The following LRIG2 variants were observed in gnomAD, a reference collection of about 807,000 sequenced individuals.
LRIG2 encodes the protein leucine rich repeats and immunoglobulin like domains 2, also known as leucine-rich repeats and immunoglobulin-like domains protein 2.
A neutral mutation model predicts 107.8 loss-of-function variants in LRIG2; 93 were observed. The observed-to-expected ratio is 0.86, with a 90% CI of 0.73 to 1.03. The LOEUF (loss-of-function observed/expected upper bound fraction) is 1.03, where lower values mean the gene tolerates loss of function less well. Among genes scored for constraint, LRIG2 ranks in the 50% least tolerant of loss-of-function variants. LRIG2 has a pLI of 0.00. For synonymous variants in LRIG2, 471 were observed against 470.6 expected (o/e 1.00, Z -0.01); for missense variants, 1,226 against 1,296.0 (o/e 0.95, Z 0.83).
intron 6 of LRIG2, 60 bp downstream of exon 6, chr1:113,094,815 G>A (rs899146278): frequency 3.1e-4 from 475 of 1,523,078 alleles, no homozygotes; most frequent in Non-Finnish European, 3.8e-4. Flanking sequence ...ACTTTTCAGT[G>A]TCGAATGGCT....
At chr1:113,100,673 C>CACCAAGTGTGG in intron 11 of LRIG2, 185 bp downstream of exon 11, 2 of 466,546 alleles carry the variant, frequency 4.3e-6, no homozygotes, top group South Asian at 6.2e-5. Context: ...CATTGAAAAG[C>CACCAAGTGTGG]CCAGAGTGTG....
rs1211968468 is a variant in LRIG2 at position 113,124,774 on chromosome 1, AT to A, written c.*674del. 6.6e-6 allele frequency: 1 copy of A among 152,194 alleles called. No individual in the cohort carries two copies. The highest frequency in any genetic ancestry group is 1.5e-5 in the Non-Finnish European group (1 of 68,074). 9.4% of individuals were successfully genotyped at this position (152,194 alleles called of 1,614,324 possible). A position where few individuals can be genotyped will look rare whatever the true frequency, so the allele number is the denominator to read the frequency against. ...TGGCTGCAATGTAAATATTTTTGAT[AT>A]GCCAAAATTATATGTAATATCCAGT... On this transcript the variant is annotated 3_prime_UTR_variant, in exon 18 of 18. Transcript: ENST00000361127.
chr1:113,109,182 T>C (rs1459230619), intron 12 of LRIG2, among the ~76,000 whole-genome samples: 1 of 152,258 alleles, frequency 6.6e-6, no homozygotes, highest in Non-Finnish European at 1.5e-5. Flanking sequence ...GTTTTAAATA[T>C]AGACATACCA....
At chr1:113,101,145 A>T (rs904113766) in intron 11 of LRIG2, among the ~76,000 whole-genome samples, 2 of 152,062 alleles carry the variant, frequency 1.3e-5, no homozygotes, top group Non-Finnish European at 2.9e-5. Flanking sequence ...ATCTCGGCCC[A>T]CTGCAACCTC....
At chr1:113,089,617 G>A (rs11582690) in intron 1 of LRIG2, among the ~76,000 whole-genome samples, 3,651 of 145,838 alleles carry the variant, frequency 0.025, 66 homozygotes, top group Middle Eastern at 0.047. Context: ...CACCAATGCC[G>A]TCATTATTAT....
intron 1 of LRIG2, among the ~76,000 whole-genome samples, chr1:113,084,030 A>G (rs1653418180): frequency 7.0e-6 from 1 of 143,018 alleles, no homozygotes; most frequent in East Asian, 2.0e-4. Context: ...TAATAATAAT[A>G]ATAATAATAA....
At chr1:113,077,655 C>G (rs1032723184) in intron 1 of LRIG2, among the ~76,000 whole-genome samples, 1 of 152,076 alleles carries the variant, frequency 6.6e-6, no homozygotes, top group Non-Finnish European at 1.5e-5. Context: ...TTGAATAGCT[C>G]TAGGGAAGTC....
chr1:113,119,544 GTTA>G (rs1001247981), intron 17 of LRIG2, 21 bp downstream of exon 17: 1 of 1,605,902 alleles, frequency 6.2e-7, no homozygotes, highest in African/African-American at 1.3e-5. Flanking sequence ...TATTTTTGTT[GTTA>G]TTTTGTTTTT....
At chr1:113,109,151 C>T (rs1013288388) in intron 12 of LRIG2, among the ~76,000 whole-genome samples, 12 of 152,140 alleles carry the variant, frequency 7.9e-5, no homozygotes, top group Non-Finnish European at 1.2e-4. Context: ...CTGACATTGC[C>T]GCACATTCCC....
chr1:113,087,246 T>A (rs926478351), intron 1 of LRIG2, among the ~76,000 whole-genome samples: 1 of 152,234 alleles, frequency 6.6e-6, no homozygotes, highest in East Asian at 1.9e-4. Flanking sequence ...TTAATGGACA[T>A]TGGGAAGAAC....
At chr1:113,103,798 T>A (rs1463407307) in intron 11 of LRIG2, 1 of 152,130 alleles carries the variant, frequency 6.6e-6, no homozygotes, top group Non-Finnish European at 1.5e-5. Context: ...AAGGAAAGAT[T>A]TCGATTCTCA....
rs776143013 is a variant in LRIG2 at position 113,093,280 on chromosome 1, T to G, written c.380T>G (p.Leu127Ter). Reference sequence around the variant, plus strand: ...ACATCTAATATTACTCTACTTTCATTGTAAGTTAGTAAGTTTTCAGGTTTT... The same window carrying G: ...ACATCTAATATTACTCTACTTTCATGGTAAGTTAGTAAGTTTTCAGGTTTT... ...EPTSNITLLS[L>*]VHNIIPEINA... The change falls in exon 3 of 18, where the codon TTA (leucine) becomes TGA (stop). Residue 127 changes from leucine (L) to a stop codon, truncating the protein, a stop_gained and splice_region_variant. Coordinates refer to ENST00000361127, the MANE Select transcript of LRIG2 (RefSeq NM_014813.3). LOFTEE classifies it high-confidence loss of function. 6 of 1,582,646 alleles carry G rather than the reference T, an allele frequency of 3.8e-6. No homozygotes were observed. The Admixed American group carries it at 7.3e-5, about 19-fold the overall frequency.
chr1:113,093,257 A>G lies in LRIG2; in HGVS notation c.357A>G (p.Thr119=). Residue 119 remains threonine (T), a synonymous_variant, in exon 3 of 18, where the codon ACA becomes ACG. Coordinates refer to ENST00000361127, the MANE Select transcript of LRIG2 (RefSeq NM_014813.3). ...AAATCCCGTATTTTGGAGAACCTACATCTAATATTACTCTACTTTCATTGT... is the reference window on the plus strand; with the variant it reads ...AAATCCCGTATTTTGGAGAACCTACGTCTAATATTACTCTACTTTCATTGT... ...LTEIPYFGEP[T]SNITLLSLVH... 6.3e-7 allele frequency: 1 copy of G among 1,597,428 alleles called. No individual in the cohort carries two copies. Among genetic ancestry groups the G allele is most frequent in the South Asian group, 1.1e-5 (1 of 87,418 alleles).
chr1:113,123,993 G>C lies in LRIG2; in HGVS notation c.3090G>C (p.Gly1030=), dbSNP rs141248872. The change falls in exon 18 of 18, where the codon GGG becomes GGC. Residue 1030 remains glycine (G), a synonymous_variant. Coordinates refer to ENST00000361127, the MANE Select transcript of LRIG2 (RefSeq NM_014813.3). ...TTCATCAAAATGAGGGCCTGGCAGG[G>C]AGAGAGCCAGACTGTTCTGCTTCTT... ...PQLHQNEGLA[G]REPDCSASSM... is the part of the protein sequence containing the mutation. The C allele has an allele frequency of 6.2e-7, 1 of 1,614,102 alleles. No individual in the cohort carries two copies. The highest frequency in any genetic ancestry group is 8.5e-7 in the Non-Finnish European group (1 of 1,180,016).
intron 11 of LRIG2, among the ~76,000 whole-genome samples, chr1:113,106,844 C>T (rs959831504): frequency 2.6e-5 from 4 of 152,110 alleles, no homozygotes; most frequent in Non-Finnish European, 5.9e-5. Flanking sequence ...AATAATTTGA[C>T]AATAATTATA....
At chr1:113,122,075 CTTTTTTTTTTTTTT>C (rs758568453) in intron 17 of LRIG2, among the ~76,000 whole-genome samples, 3 of 87,084 alleles carry the variant, frequency 3.4e-5, no homozygotes, top group African/African-American at 1.4e-4. Context: ...TTAGGCTCAC[CTTTTTTTTTTTTTT>C]TTTTTTTTTG....
chr1:113,093,239 G>A lies in LRIG2; in HGVS notation c.339G>A (p.Pro113=), dbSNP rs11803863. 0.019 allele frequency: 30,927 copies of A among 1,597,018 alleles called. 380 individuals are homozygous for A. Among genetic ancestry groups the A allele is most frequent in the Middle Eastern group, 0.029 (174 of 6,018 alleles). Residue 113 remains proline (P), a synonymous_variant, in exon 3 of 18, where the codon CCG becomes CCA. Transcript: ENST00000361127. ...ATTACAATGAACTAACAGAAATCCC[G>A]TATTTTGGAGAACCTACATCTAATA... ...KMNYNELTEI[P]YFGEPTSNIT...
rs1271436638 is a variant in LRIG2, at chr1:113,129,321, A to C, written c.*5220A>C. The stretch of plus-strand genomic sequence containing the variant: ...TGAGACTCCGTCTCAAAAAAAAAAA[A>C]AAAAAAACCCGTGTAGGAGTACTGC... On this transcript the variant is annotated 3_prime_UTR_variant, in exon 18 of 18. Transcript: ENST00000361127. The C allele has an allele frequency of 2.6e-5, 4 of 151,200 alleles. No individual in the cohort carries two copies. Among genetic ancestry groups the C allele is most frequent in the Non-Finnish European group, 4.4e-5 (3 of 67,924 alleles). 9.4% of individuals were successfully genotyped at this position (151,200 alleles called of 1,614,324 possible). A position where few individuals can be genotyped will look rare whatever the true frequency, so the allele number is the denominator to read the frequency against.
At chr1:113,081,214 C>T (rs927855905) in intron 1 of LRIG2, among the ~76,000 whole-genome samples, 7 of 152,162 alleles carry the variant, frequency 4.6e-5, no homozygotes, top group Non-Finnish European at 7.4e-5. Flanking sequence ...CCTCAAAATT[C>T]GGAAAAACGT....
Sources: gnomAD v4.1 joint callset for allele counts (sites outside exome capture counted in the v4.1 genomes callset) on GRCh38, gnomAD v4.1.1 for gene constraint, MANE v1.5 for transcripts, NCBI Gene and HGNC (gene_info 2026-07-23, HGNC 2026-07-21) for gene names.